The following SDK1 variants were observed in gnomAD, a reference collection of about 807,000 sequenced individuals.
SDK1 encodes protein sidekick-1.
Under a neutral mutation model 245.5 loss-of-function variants are expected in SDK1, and 157 were observed. That is an observed-to-expected ratio of 0.64 (90% CI 0.56 to 0.73). The LOEUF is 0.73. Ranked by LOEUF, SDK1 falls within the 30% of genes least tolerant of loss-of-function variation. SDK1 has a pLI of 0.00. For synonymous variants in SDK1, 1,647 were observed against 1,278.5 expected, an observed-to-expected ratio of 1.29 and a Z score of -6.15; for missense variants, 3,583 against 3,002.3, an observed-to-expected ratio of 1.19 and a Z score of -4.52.
intron 5 of SDK1, among the ~76,000 whole-genome samples, chr7:3,893,284 G>T (rs1041628643): frequency 3.9e-5 from 6 of 152,124 alleles, no homozygotes; most frequent in African/African-American, 1.4e-4. Flanking sequence ...ATGGGCACGG[G>T]GGTCATCCCA....
chr7:4,197,750 C>T (rs6978817), intron 35 of SDK1, among the ~76,000 whole-genome samples: 26,766 of 152,156 alleles, frequency 0.18, 2,602 homozygotes, highest in African/African-American at 0.2. Flanking sequence ...ACCTTCCCCT[C>T]GAGGACCAGA....
At position 3,638,542 on chromosome 7, in the gene SDK1, C is replaced by A. The variant is rs560207013; in HGVS notation, c.459-462C>A. 6.1e-4 allele frequency among the ~76,000 whole-genome samples: 91 copies of A among 149,202 alleles called. 2 individuals carry two copies. The South Asian group carries it at 0.019, about 31-fold the overall frequency. On this transcript the variant is annotated intron_variant, in intron 2 of 44. Transcript: ENST00000404826. Reference sequence around the variant, plus strand: ...AGCAAACTAACACAAGGACAAAAAACCAAACACCGCATGTTCTCACTCATA... The same window carrying A: ...AGCAAACTAACACAAGGACAAAAAAACAAACACCGCATGTTCTCACTCATA...
intron 13 of SDK1, among the ~76,000 whole-genome samples, chr7:3,985,334 T>G (rs188222097): frequency 3.2e-4 from 48 of 152,374 alleles, no homozygotes; most frequent in African/African-American, 9.9e-4. Flanking sequence ...TCATATTTTC[T>G]TTTCAGGTGG....
intron 4 of SDK1, among the ~76,000 whole-genome samples, chr7:3,793,011 G>T (rs1778855187): frequency 6.6e-6 from 1 of 152,136 alleles, no homozygotes; most frequent in Non-Finnish European, 1.5e-5. Context: ...ATTTCACAAT[G>T]ATACTGAGAA....
rs749483803 is a variant in SDK1 at position 3,744,791 on chromosome 7, G to A, written c.714-76659G>A. ...CACACCAATGCACTCCAGCCTGGGC[G>A]ACAGAGTGAGACTCCATCTCAAAAA... On this transcript the variant is annotated intron_variant, in intron 4 of 44. Transcript: ENST00000404826. Among the ~76,000 whole-genome samples the A allele has an allele frequency of 2.6e-5, 4 of 151,276 alleles. No homozygotes were observed. The East Asian group carries it at 7.8e-4, about 29-fold the overall frequency.
chr7:3,897,406 T>C (rs1296321226), intron 5 of SDK1, among the ~76,000 whole-genome samples: 1 of 152,158 alleles, frequency 6.6e-6, no homozygotes, highest in South Asian at 2.1e-4. Flanking sequence ...ACTTCCTGTC[T>C]CCTTGAATTC....
intron 35 of SDK1, chr7:4,179,030 T>G (rs1305296359): frequency 1.2e-5 from 2 of 161,160 alleles, no homozygotes; most frequent in African/African-American, 4.8e-5. Flanking sequence ...GGCCATTGTC[T>G]CCACCCCTTT....
chr7:3,876,042 A>C (rs1485753791), intron 5 of SDK1, among the ~76,000 whole-genome samples: 1 of 152,154 alleles, frequency 6.6e-6, no homozygotes, highest in African/African-American at 2.4e-5. Flanking sequence ...TGGTGGAAGT[A>C]TGTCATTCCA....
intron 40 of SDK1, chr7:4,227,022 C>G (rs1338511902): frequency 1.1e-5 from 2 of 178,768 alleles, no homozygotes; most frequent in Non-Finnish European, 2.3e-5. Context: ...GATGGGGACA[C>G]CCCCCAGCCG....
At chr7:3,653,317 C>T (rs1258301476) in intron 4 of SDK1, among the ~76,000 whole-genome samples, 4 of 152,230 alleles carry the variant, frequency 2.6e-5, no homozygotes, top group South Asian at 4.1e-4. Flanking sequence ...CTGTTGTAGG[C>T]GTTCTGTTTT....
chr7:3,677,403 G>T (rs1783938890), intron 4 of SDK1, among the ~76,000 whole-genome samples: 1 of 152,292 alleles, frequency 6.6e-6, no homozygotes, highest in East Asian at 1.9e-4. Flanking sequence ...CACATGGCTG[G>T]GGAGGCCTCA....
chr7:3,563,094 T>C (rs1171578375), intron 1 of SDK1, among the ~76,000 whole-genome samples: 1 of 152,110 alleles, frequency 6.6e-6, no homozygotes, highest in Non-Finnish European at 1.5e-5. Flanking sequence ...AACATACAGA[T>C]GGATCTGCTG....
intron 17 of SDK1, among the ~76,000 whole-genome samples, chr7:4,035,430 T>G (rs938469243): frequency 2.0e-5 from 3 of 152,228 alleles, no homozygotes; most frequent in African/African-American, 7.2e-5. Flanking sequence ...AGATGGAAAT[T>G]TGTACATCCT....
intron 14 of SDK1, among the ~76,000 whole-genome samples, chr7:4,006,967 A>G (rs1339317439): frequency 6.6e-6 from 1 of 152,240 alleles, no homozygotes; most frequent in Non-Finnish European, 1.5e-5. Flanking sequence ...CCGCAGTCTG[A>G]TTAATCGCCT....
intron 22 of SDK1, among the ~76,000 whole-genome samples, chr7:4,093,032 G>A (rs1021639134): frequency 3.3e-5 from 5 of 152,076 alleles, no homozygotes; most frequent in African/African-American, 1.2e-4. Context: ...TACCTTCAGT[G>A]AATTATGGAA....
intron 4 of SDK1, among the ~76,000 whole-genome samples, chr7:3,684,338 G>T (rs1784208202): frequency 6.6e-6 from 1 of 152,180 alleles, no homozygotes; most frequent in Admixed American, 6.5e-5. Context: ...ATGGGAGTCA[G>T]CCTCCCCTCC....
At position 3,687,056 on chromosome 7, in the gene SDK1, A is replaced by AACACACACACACAC. The variant is rs200034994; in HGVS notation, c.713+44982_713+44995dup. On this transcript the variant is annotated intron_variant, in intron 4 of 44. Transcript: ENST00000404826. ...CCAAACTGGGTTGGGATAGCATCAA[A>AACACACACACACAC]ACACACACACACACACACACACACA... Among the ~76,000 whole-genome samples the AACACACACACACAC allele has an allele frequency of 9.0e-3, 1,221 of 135,168 alleles. 15 individuals carry two copies. Among genetic ancestry groups the AACACACACACACAC allele is most frequent in the African/African-American group, 0.02 (686 of 34,036 alleles). 88.7% of individuals were successfully genotyped at this position (135,168 alleles called of 152,430 possible). A position where few individuals can be genotyped will look rare whatever the true frequency, so the allele number is the denominator to read the frequency against.
At chr7:3,909,866 G>T (rs1779101563) in intron 5 of SDK1, among the ~76,000 whole-genome samples, 1 of 152,126 alleles carries the variant, frequency 6.6e-6, no homozygotes, top group Admixed American at 6.5e-5. Context: ...AATACAACAG[G>T]ATGGAAATGC....
chr7:4,200,181 T>A (rs1032428694), intron 35 of SDK1, among the ~76,000 whole-genome samples: 18 of 152,168 alleles, frequency 1.2e-4, no homozygotes, highest in Admixed American at 3.3e-4. Context: ...TCTGGGTGTG[T>A]GTAAAGACAT....
Sources: gnomAD v4.1 joint callset for allele counts (sites outside exome capture counted in the v4.1 genomes callset) on GRCh38, gnomAD v4.1.1 for gene constraint, MANE v1.5 for transcripts, NCBI Gene and HGNC (gene_info 2026-07-23, HGNC 2026-07-21) for gene names.